ACMSD: variants seen among roughly 807,000 people sequenced by gnomAD.
ACMSD encodes aminocarboxymuconate semialdehyde decarboxylase.
Under a neutral mutation model 45.9 loss-of-function variants are expected in ACMSD, and 37 were observed. The observed-to-expected ratio is 0.81, with a 90% CI of 0.62 to 1.06. The LOEUF is 1.06. Ranked by LOEUF, ACMSD falls within the 50% of genes least tolerant of loss-of-function variation. The pLI, the probability that ACMSD is intolerant of heterozygous loss-of-function variation, is 0.00. For missense variants in ACMSD, 434 were observed against 420.9 expected (o/e 1.03, Z -0.27); for synonymous variants, 138 against 148.8 (o/e 0.93, Z 0.53).
At chr2:134,856,959 T>G (rs904658976) in intron 2 of ACMSD, among the ~76,000 whole-genome samples, 4 of 152,320 alleles carry the variant, frequency 2.6e-5, no homozygotes, top group Admixed American at 2.0e-4. Context: ...GGCATTTTAT[T>G]AAATCTATAG....
At chr2:134,839,396 T>G (rs572192319) in intron 1 of ACMSD, among the ~76,000 whole-genome samples, 1 of 152,274 alleles carries the variant, frequency 6.6e-6, no homozygotes, top group East Asian at 1.9e-4. Flanking sequence ...GGAAATTTCC[T>G]TTTGTCATTA....
intron 1 of ACMSD, among the ~76,000 whole-genome samples, chr2:134,843,777 G>A (rs904477755): frequency 3.9e-5 from 6 of 152,228 alleles, no homozygotes; most frequent in Non-Finnish European, 7.3e-5. Flanking sequence ...CACACTGTGA[G>A]AGCCATGCAG....
Position 134,850,177 on chromosome 2 carries a change from A to G in ACMSD, c.102+4900A>G, listed in dbSNP as rs1235014637. ...AGTAGAATGCACTGCTTATGGCAAG[A>G]GTAAATATTGTTTCATGAATCTTCT... On this transcript the variant is annotated intron_variant, in intron 2 of 9. Transcript: ENST00000356140. Among the ~76,000 whole-genome samples, 43 of 151,776 alleles carry G rather than the reference A, an allele frequency of 2.8e-4. 1 individual carries two copies. Among genetic ancestry groups the G allele is most frequent in the Admixed American group, 2.8e-3 (43 of 15,232 alleles).
chr2:134,878,526 C>T (rs1194769456), intron 8 of ACMSD, among the ~76,000 whole-genome samples: 4 of 152,086 alleles, frequency 2.6e-5, no homozygotes, highest in Non-Finnish European at 4.4e-5. Context: ...AGGGTTTTGC[C>T]ATGTTGCCCA....
At position 134,875,052 on chromosome 2, in the gene ACMSD, G is replaced by A. The variant is rs140701480; in HGVS notation, c.849+2411G>A. 1.9e-3 allele frequency among the ~76,000 whole-genome samples: 295 copies of A among 152,336 alleles called. 2 individuals carry two copies. Among genetic ancestry groups the A allele is most frequent in the African/African-American group, 6.9e-3 (288 of 41,586 alleles). On this transcript the variant is annotated intron_variant, in intron 8 of 9. Transcript: ENST00000356140. ...GTTTCACTCTGTTACCCAGGCTGGA[G>A]CGCAGTGGCGTGATCACAGCTCACT...
intron 9 of ACMSD, among the ~76,000 whole-genome samples, chr2:134,901,244 G>C (rs1016146668): frequency 6.6e-6 from 1 of 152,210 alleles, no homozygotes; most frequent in Non-Finnish European, 1.5e-5. Context: ...TTTCAGCAGA[G>C]TTGATATAGT....
chr2:134,849,963 AACACACACACACACAC>A (rs10617563), intron 2 of ACMSD, among the ~76,000 whole-genome samples: 8 of 145,998 alleles, frequency 5.5e-5, no homozygotes, highest in South Asian at 2.2e-4. Flanking sequence ...GGGCCTTGGG[AACACACACACACACAC>A]ACACACACAC....
rs989660898 is a variant in ACMSD at position 134,862,091 on chromosome 2, C to A, written c.249+73C>A. 3.9e-6 allele frequency: 6 copies of A among 1,556,682 alleles called. No individual in the cohort carries two copies. In the African/African-American group the frequency reaches 6.8e-5, roughly 18 times the overall value. On this transcript the variant is annotated intron_variant, in intron 4 of 9. Coordinates refer to ENST00000356140, the MANE Select transcript of ACMSD (RefSeq NM_138326.3). Reference sequence around the variant, plus strand: ...TGAGCTCCCAAAAAGTGAACAGATGCCTCAAGTTTGGACACCAGTACCACT... The same window carrying A: ...TGAGCTCCCAAAAAGTGAACAGATGACTCAAGTTTGGACACCAGTACCACT...
rs181857322 is a variant in ACMSD, at chr2:134,859,306, C to G, written c.148C>G (p.Arg50Gly). Residue 50 changes from arginine (R) to glycine (G), a missense_variant, in exon 3 of 10, where the codon CGA (arginine) becomes GGA (glycine). By Grantham distance (125) the Arg-to-Gly change is moderately radical (BLOSUM62 -2). Coordinates refer to ENST00000356140, the MANE Select transcript of ACMSD (RefSeq NM_138326.3). ...AGATGGGAAAGTCTTCAGAGTGGTGCGAGAGAATTGCTGGGATCCAGAAGT... is the reference window on the plus strand; with the variant it reads ...AGATGGGAAAGTCTTCAGAGTGGTGGGAGAGAATTGCTGGGATCCAGAAGT... ...LKDGKVFRVVRENCWDPEVRI... is the reference protein window; with the variant it reads ...LKDGKVFRVVGENCWDPEVRI... 6.2e-6 allele frequency: 10 copies of G among 1,613,794 alleles called. No homozygotes were observed. Among genetic ancestry groups the G allele is most frequent in the Middle Eastern group, 1.6e-4 (1 of 6,084 alleles).
chr2:134,872,346 C>A, intron 7 of ACMSD, 123 bp from the exon 8 acceptor site: 3 of 1,063,716 alleles, frequency 2.8e-6, no homozygotes, highest in South Asian at 1.5e-5. Context: ...ATTCAGAACA[C>A]AATAGGTCCT....
intron 8 of ACMSD, among the ~76,000 whole-genome samples, chr2:134,875,673 C>T (rs1382414791): frequency 2.0e-5 from 3 of 152,172 alleles, no homozygotes; most frequent in Non-Finnish European, 4.4e-5. Flanking sequence ...TATTGCCTCC[C>T]TATATTAACA....
At chr2:134,844,729 G>C (rs145882073) in intron 1 of ACMSD, among the ~76,000 whole-genome samples, 1 of 152,188 alleles carries the variant, frequency 6.6e-6, no homozygotes, top group East Asian at 1.9e-4. Flanking sequence ...ATGCACAGAA[G>C]TGTGAAAGCA....
Position 134,863,579 on chromosome 2 carries a change from C to A in ACMSD, c.434C>A (p.Thr145Asn), listed in dbSNP as rs550216514. Residue 145 changes from threonine (T) to asparagine (N), a missense_variant, in exon 5 of 10, where the codon ACC becomes AAC. Transcript: ENST00000356140. ...GGCTTTCCCGGGGTCCAAATTGGCACCCACGTCAACGAGTGGGACCTGAAC... is the reference window on the plus strand; with the variant it reads ...GGCTTTCCCGGGGTCCAAATTGGCAACCACGTCAACGAGTGGGACCTGAAC... ...ELGFPGVQIGTHVNEWDLNAQ... is the reference protein window; with the variant it reads ...ELGFPGVQIGNHVNEWDLNAQ... The A allele has an allele frequency of 1.2e-6, 2 of 1,614,182 alleles. No homozygotes were observed. The highest frequency in any genetic ancestry group is 2.2e-5 in the East Asian group (1 of 44,866).
intron 8 of ACMSD, among the ~76,000 whole-genome samples, chr2:134,884,613 C>G (rs1389809216): frequency 6.6e-6 from 1 of 152,084 alleles, no homozygotes; most frequent in Non-Finnish European, 1.5e-5. Flanking sequence ...GCAGACAATT[C>G]AGAATGAGAT....
intron 5 of ACMSD, among the ~76,000 whole-genome samples, chr2:134,866,966 G>A (rs1398544215): frequency 6.6e-6 from 1 of 152,184 alleles, no homozygotes; most frequent in Non-Finnish European, 1.5e-5. Flanking sequence ...GGGGATGGGT[G>A]AATGCCTGTA....
chr2:134,870,370 T>G (rs1688370163), intron 6 of ACMSD, among the ~76,000 whole-genome samples: 1 of 152,184 alleles, frequency 6.6e-6, no homozygotes, highest in African/African-American at 2.4e-5. Flanking sequence ...TAGTGAGCCC[T>G]TACTAAATGC....
intron 5 of ACMSD, among the ~76,000 whole-genome samples, chr2:134,865,784 C>T (rs539020541): frequency 2.4e-4 from 37 of 152,160 alleles, no homozygotes; most frequent in African/African-American, 8.7e-4. Context: ...CATACATGCT[C>T]AGGTCAGTTT....
At chr2:134,898,520 T>G in intron 9 of ACMSD, 81 bp downstream of exon 9, 1 of 883,090 alleles carries the variant, frequency 1.1e-6, no homozygotes. Context: ...CTTTGATATA[T>G]AAAAACAAAG....
chr2:134,901,735 TAGTACTTAAA>T, intron 9 of ACMSD, 53 bp from the exon 10 acceptor site: 2 of 1,228,630 alleles, frequency 1.6e-6, no homozygotes, highest in Non-Finnish European at 2.3e-6. Flanking sequence ...CTGATCAATG[TAGTACTTAAA>T]AGTACTTAAA....
Sources: gnomAD v4.1 joint callset for allele counts (sites outside exome capture counted in the v4.1 genomes callset) on GRCh38, gnomAD v4.1.1 for gene constraint, MANE v1.5 for transcripts, NCBI Gene and HGNC (gene_info 2026-07-23, HGNC 2026-07-21) for gene names.